Variants in HCN1 observed in about 807,000 individuals in gnomAD.
The protein encoded by HCN1 is potassium/sodium hyperpolarization-activated cyclic nucleotide-gated channel 1.
In HCN1, 13 loss-of-function variants were observed where a neutral mutation model predicts 78.9. The observed-to-expected ratio is 0.16, with a 90% CI of 0.11 to 0.26. The LOEUF is 0.26. Ranked by LOEUF, HCN1 falls within the 10% of genes least tolerant of loss-of-function variation. HCN1 has a pLI of 1.00. For missense variants in HCN1, 810 were observed against 1,154.3 expected, an observed-to-expected ratio of 0.70 and a Z score of 4.32; for synonymous variants, 552 against 455.5, an observed-to-expected ratio of 1.21 and a Z score of -2.70.
chr5:45,306,427 T>C (rs891467325), intron 5 of HCN1, among the ~76,000 whole-genome samples: 7 of 152,136 alleles, frequency 4.6e-5, no homozygotes, highest in African/African-American at 7.2e-5. Flanking sequence ...ATAACACTAC[T>C]GGAATAATTT....
At chr5:45,516,496 T>C (rs1280377158) in intron 2 of HCN1, among the ~76,000 whole-genome samples, 1 of 152,008 alleles carries the variant, frequency 6.6e-6, no homozygotes, top group African/African-American at 2.4e-5. Context: ...AAGGATAAGA[T>C]AGACAATATT....
Position 45,260,432 on chromosome 5 carries a change from T to C in HCN1, c.*1489A>G, listed in dbSNP as rs1198548951. 6.6e-6 allele frequency: 1 copy of C among 152,218 alleles called. No individual in the cohort carries two copies. Among genetic ancestry groups the C allele is most frequent in the Non-Finnish European group, 1.5e-5 (1 of 68,036 alleles). The allele number at this position is 152,218 out of a possible 1,614,324, so 9.4% of individuals were successfully genotyped here. A position where few individuals can be genotyped will look rare whatever the true frequency, so the allele number is the denominator to read the frequency against. ...TAAGAAAACAGACAGACAATGCTCATAGACGTTCAACTTTACCCCTGCTTT... is the reference window on the plus strand; with the variant it reads ...TAAGAAAACAGACAGACAATGCTCACAGACGTTCAACTTTACCCCTGCTTT... On this transcript the variant is annotated 3_prime_UTR_variant, in exon 8 of 8. Transcript: ENST00000303230.
At chr5:45,323,665 T>C (rs996505760) in intron 5 of HCN1, among the ~76,000 whole-genome samples, 2 of 151,972 alleles carry the variant, frequency 1.3e-5, no homozygotes, top group African/African-American at 4.8e-5. Flanking sequence ...GCTGCACCCA[T>C]TAACTCGTCA....
At chr5:45,638,901 C>G (rs905430174) in intron 2 of HCN1, among the ~76,000 whole-genome samples, 9 of 152,110 alleles carry the variant, frequency 5.9e-5, no homozygotes, top group South Asian at 4.1e-4. Context: ...GTTGCCTTGA[C>G]TTAACATCTC....
At chr5:45,485,614 C>CT (rs1741740965) in intron 2 of HCN1, among the ~76,000 whole-genome samples, 1 of 152,080 alleles carries the variant, frequency 6.6e-6, no homozygotes, top group African/African-American at 2.4e-5. Context: ...TGATATGTTT[C>CT]TTTTTTTCCA....
At chr5:45,626,766 A>G (rs953246838) in intron 2 of HCN1, among the ~76,000 whole-genome samples, 10 of 152,158 alleles carry the variant, frequency 6.6e-5, no homozygotes, top group Non-Finnish European at 1.2e-4. Flanking sequence ...GCAGGGAATC[A>G]TTCAGGGCCC....
chr5:45,654,818 G>T (rs1227535894), intron 1 of HCN1, among the ~76,000 whole-genome samples: 1 of 152,070 alleles, frequency 6.6e-6, no homozygotes, highest in Non-Finnish European at 1.5e-5. Context: ...TAATTACATG[G>T]CTAAGTTAAA....
chr5:45,286,711 A>T (rs2111877586), intron 6 of HCN1, among the ~76,000 whole-genome samples: 1 of 152,178 alleles, frequency 6.6e-6, no homozygotes, highest in South Asian at 2.1e-4. Context: ...GGAACTACTT[A>T]GTGCATACCA....
At chr5:45,352,634 A>C (rs1278371179) in intron 5 of HCN1, among the ~76,000 whole-genome samples, 1 of 152,044 alleles carries the variant, frequency 6.6e-6, no homozygotes, top group Admixed American at 6.6e-5. Context: ...GGAGGAACAG[A>C]AAGATGATGC....
chr5:45,385,015 G>T (rs559839717), intron 4 of HCN1, among the ~76,000 whole-genome samples: 9 of 152,162 alleles, frequency 5.9e-5, no homozygotes, highest in African/African-American at 2.2e-4. Context: ...TTTAAACTAA[G>T]AAAATATTTG....
At chr5:45,473,915 A>G (rs1183181096) in intron 2 of HCN1, among the ~76,000 whole-genome samples, 1 of 151,926 alleles carries the variant, frequency 6.6e-6, no homozygotes, top group Non-Finnish European at 1.5e-5. Flanking sequence ...AAAAATTTGT[A>G]AGCCACATTT....
rs187118832 is a variant in HCN1, at chr5:45,349,036, A to C, written c.1377+4064T>G. 1.4e-3 allele frequency among the ~76,000 whole-genome samples: 206 copies of C among 152,332 alleles called. 3 individuals carry two copies. Among genetic ancestry groups the C allele is most frequent in the African/African-American group, 4.9e-3 (203 of 41,568 alleles). ...CAGCAAGCGGACCTAATAGACATCT[A>C]CAGAACTCTCCACCCCAAATCAATA... is the stretch of plus-strand genomic sequence containing the variant. On this transcript the variant is annotated intron_variant, in intron 5 of 7. Transcript: ENST00000303230.
chr5:45,404,029 GT>G (rs1453939064), intron 3 of HCN1, among the ~76,000 whole-genome samples: 3 of 152,030 alleles, frequency 2.0e-5, no homozygotes, highest in Non-Finnish European at 2.9e-5. Context: ...AAAGTCATAG[GT>G]TTTTTTGCCC....
chr5:45,598,466 T>C (rs1192454792), intron 2 of HCN1, among the ~76,000 whole-genome samples: 1 of 151,910 alleles, frequency 6.6e-6, no homozygotes, highest in East Asian at 1.9e-4. Flanking sequence ...AAAAAACCCT[T>C]AAAGAAAACC....
chr5:45,524,808 G>A lies in HCN1; in HGVS notation c.850-62801C>T, dbSNP rs949268157. The stretch of plus-strand genomic sequence containing the variant: ...TACAGTCATGTCATCTGCAAACAGG[G>A]ACAATTTGACTTCCTCTTTTCCTAA... On this transcript the variant is annotated intron_variant, in intron 2 of 7. Transcript: ENST00000303230. Among the ~76,000 whole-genome samples the A allele has an allele frequency of 3.3e-5, 5 of 152,222 alleles. No homozygotes were observed. The East Asian group carries it at 9.7e-4, about 29-fold the overall frequency.
At chr5:45,271,223 T>G (rs1168872493) in intron 6 of HCN1, among the ~76,000 whole-genome samples, 1 of 152,144 alleles carries the variant, frequency 6.6e-6, no homozygotes, top group Non-Finnish European at 1.5e-5. Context: ...AAAAAGATAA[T>G]GTACTTATTT....
chr5:45,602,017 GA>G (rs1744635261), intron 2 of HCN1, among the ~76,000 whole-genome samples: 2 of 152,136 alleles, frequency 1.3e-5, no homozygotes, highest in Admixed American at 1.3e-4. Context: ...CACAAGATCT[GA>G]TGGTTTTATA....
chr5:45,356,515 T>C (rs1747010010), intron 4 of HCN1, among the ~76,000 whole-genome samples: 1 of 152,048 alleles, frequency 6.6e-6, no homozygotes, highest in African/African-American at 2.4e-5. Context: ...TCCATATCAC[T>C]AAGCAATATG....
At chr5:45,490,139 C>A (rs1042590074) in intron 2 of HCN1, among the ~76,000 whole-genome samples, 11 of 152,056 alleles carry the variant, frequency 7.2e-5, no homozygotes, top group Admixed American at 2.6e-4. Context: ...ACAACATGTG[C>A]AAAATATGAA....
Sources: gnomAD v4.1 joint callset for allele counts (sites outside exome capture counted in the v4.1 genomes callset) on GRCh38, gnomAD v4.1.1 for gene constraint, MANE v1.5 for transcripts, NCBI Gene and HGNC (gene_info 2026-07-23, HGNC 2026-07-21) for gene names.